Variants in C3orf52 observed in about 807,000 individuals in gnomAD.
C3orf52 encodes the protein TPA-induced transmembrane protein.
In C3orf52, 22 loss-of-function variants were observed where a neutral mutation model predicts 24.8. The observed-to-expected ratio is 0.89, with a 90% CI of 0.63 to 1.27. The LOEUF is 1.27. C3orf52 is among the 50% of genes most tolerant of loss of function. The pLI is 0.00. For synonymous variants in C3orf52, 93 were observed against 100.2 expected (o/e 0.93, Z 0.43); for missense variants, 265 against 260.7 (o/e 1.02, Z -0.11).
chr3:112,094,405 A>G (rs2073908938), intron 2 of C3orf52, among the ~76,000 whole-genome samples: 1 of 152,230 alleles, frequency 6.6e-6, no homozygotes, highest in Non-Finnish European at 1.5e-5. Context: ...TATTCCATAT[A>G]TTATTTCATG....
chr3:112,110,067 C>T (rs1458790131), intron 4 of C3orf52, among the ~76,000 whole-genome samples: 12 of 152,186 alleles, frequency 7.9e-5, no homozygotes, highest in Non-Finnish European at 1.3e-4. Context: ...TGGTAGCTCA[C>T]GCCTGTAATC....
At chr3:112,123,340 G>C (rs1179044058) in intron 4 of C3orf52, 3 of 1,510,900 alleles carry the variant, frequency 2.0e-6, no homozygotes, top group Non-Finnish European at 2.6e-6. Context: ...TGCAGGGAAA[G>C]GGTTGTTGTG....
rs1240236910 is a variant in C3orf52 at position 112,117,313 on chromosome 3, G to A, written c.*667G>A. On this transcript the variant is annotated 3_prime_UTR_variant, in exon 6 of 6. Coordinates refer to ENST00000264848, the MANE Select transcript of C3orf52 (RefSeq NM_024616.3). ...CCATGACCTGTACCTGAGTATCTTA[G>A]CCAGCCAGCCTTAGGAACACCACCA... The A allele has an allele frequency of 7.3e-6, 2 of 274,268 alleles. No individual in the cohort carries two copies. Among genetic ancestry groups the A allele is most frequent in the Non-Finnish European group, 1.4e-5 (2 of 145,892 alleles). The allele number at this position is 274,268 out of a possible 1,614,324, so 17.0% of individuals were successfully genotyped here. A position where few individuals can be genotyped will look rare whatever the true frequency, so the allele number is the denominator to read the frequency against.
At chr3:112,116,445 A>G (rs1362119929) in intron 5 of C3orf52, among the ~76,000 whole-genome samples, 197 bp from the exon 6 acceptor site, 2 of 152,166 alleles carry the variant, frequency 1.3e-5, no homozygotes, top group African/African-American at 4.8e-5. Flanking sequence ...AATAAATGTC[A>G]TTTGCCTTTT....
At chr3:112,119,633 C>T (rs1576153575), downstream of C3orf52, 5 of 628,472 alleles carry the variant, frequency 8.0e-6, no homozygotes, top group East Asian at 1.4e-4. Context: ...AGAGTCTGAT[C>T]AATGCTAAGA....
intron 2 of C3orf52, among the ~76,000 whole-genome samples, chr3:112,097,561 T>G (rs1367894095): frequency 6.6e-6 from 1 of 152,188 alleles, no homozygotes; most frequent in African/African-American, 2.4e-5. Context: ...TTTTATGATG[T>G]CATGTGGTTC....
chr3:112,117,177 T>G lies in C3orf52; in HGVS notation c.*531T>G, dbSNP rs2074142857. On this transcript the variant is annotated 3_prime_UTR_variant, in exon 6 of 6. Coordinates refer to ENST00000264848, the MANE Select transcript of C3orf52 (RefSeq NM_024616.3). ...TACGAAGACTAAGCCAATTATTCAC[T>G]GAAGTCATCCTCCTCCCCCCCACCA... is the stretch of plus-strand genomic sequence containing the variant. 5 of 556,380 alleles carry G rather than the reference T, an allele frequency of 9.0e-6. No individual in the cohort carries two copies. The allele number at this position is 556,380 out of a possible 1,614,324, so 34.5% of individuals were successfully genotyped here.
rs2073897648 is a variant in C3orf52, at chr3:112,093,465, A to T, written c.244A>T (p.Ile82Phe). 5 of 1,613,764 alleles carry T rather than the reference A, an allele frequency of 3.1e-6. No homozygotes were observed. The East Asian group carries it at 1.1e-4, about 36-fold the overall frequency. ...TTTCCTAGGTGTCATTACAGTGATC[A>T]TCATAGGCTTATGTCTTGCTGCAGG... Reference protein sequence around the residue: ...SIFLGVITVIIIGLCLAAVTY... With the variant: ...SIFLGVITVIFIGLCLAAVTY... The change falls in exon 2 of 6, where the codon ATC becomes TTC. Residue 82 changes from isoleucine to phenylalanine, a missense_variant. Ile to Phe is a conservative substitution (Grantham distance 21, BLOSUM62 0). Transcript: ENST00000264848.
chr3:112,091,296 C>G (rs1380077097), intron 1 of C3orf52, among the ~76,000 whole-genome samples: 2 of 152,336 alleles, frequency 1.3e-5, no homozygotes, highest in East Asian at 3.9e-4. Context: ...AAGAGCACCC[C>G]TCCTCTATGT....
intron 2 of C3orf52, among the ~76,000 whole-genome samples, chr3:112,095,079 C>T (rs1159857059): frequency 6.6e-6 from 1 of 152,190 alleles, no homozygotes; most frequent in Non-Finnish European, 1.5e-5. Context: ...ACTTTGATGA[C>T]ATCAGCCAAC....
At position 112,109,568 on chromosome 3, in the gene C3orf52, C is replaced by G. The variant is rs1408841134; in HGVS notation, c.422C>G (p.Pro141Arg). The G allele has an allele frequency of 6.2e-7, 1 of 1,602,444 alleles. No individual in the cohort carries two copies. ...ERLTDVYSTS[P>R]SLGRYFTSVE... Reference sequence around the variant, plus strand: ...CTCACAGATGTGTACAGTACATCGCCCTCTCTGGGTCGTTATTTTACTTCA... The same window carrying G: ...CTCACAGATGTGTACAGTACATCGCGCTCTCTGGGTCGTTATTTTACTTCA... The change falls in exon 4 of 6, where the codon CCC becomes CGC. Residue 141 changes from proline to arginine, a missense_variant. By Grantham distance (103) the Pro-to-Arg change is moderately radical (BLOSUM62 -2). Coordinates refer to ENST00000264848, the MANE Select transcript of C3orf52 (RefSeq NM_024616.3).
chr3:112,100,533 TCAG>T (rs1244558395), intron 2 of C3orf52, among the ~76,000 whole-genome samples: 1 of 152,164 alleles, frequency 6.6e-6, no homozygotes, highest in Non-Finnish European at 1.5e-5. Flanking sequence ...TAAATATGTG[TCAG>T]AGCTATTATG....
At chr3:112,104,569 G>T (rs895833073) in intron 3 of C3orf52, among the ~76,000 whole-genome samples, 1 of 151,662 alleles carries the variant, frequency 6.6e-6, no homozygotes, top group South Asian at 2.1e-4. Context: ...GATTACTCCA[G>T]ATTTCTCTTT....
At chr3:112,114,232 C>T (rs568346377) in intron 5 of C3orf52, among the ~76,000 whole-genome samples, 2 of 152,122 alleles carry the variant, frequency 1.3e-5, no homozygotes, top group African/African-American at 4.8e-5. Context: ...GAAGGCAGAA[C>T]GTTATGTAAA....
chr3:112,121,710 A>G (rs1186632485), downstream of C3orf52: 1 of 152,238 alleles, frequency 6.6e-6, no homozygotes, highest in Non-Finnish European at 1.5e-5. Context: ...AGAGGAAGAG[A>G]TACCAAGATG....
chr3:112,094,470 T>C (rs2073909394), intron 2 of C3orf52, among the ~76,000 whole-genome samples: 1 of 152,220 alleles, frequency 6.6e-6, no homozygotes, highest in East Asian at 1.9e-4. Context: ...ATAAAACCCA[T>C]CTGTAATATT....
At chr3:112,131,722 T>C (rs555443717), downstream of C3orf52, among the ~76,000 whole-genome samples, 1 of 152,306 alleles carries the variant, frequency 6.6e-6, no homozygotes, top group Non-Finnish European at 1.5e-5. Context: ...ATATATTGAA[T>C]ATATGTTGCC....
At chr3:112,133,333 G>A (rs1317528284), downstream of C3orf52, 2 of 534,132 alleles carry the variant, frequency 3.7e-6, no homozygotes, top group Non-Finnish European at 6.6e-6. Context: ...GTCCTAACAT[G>A]TCAGTGCCTG....
At chr3:112,136,065 GT>G in the C3orf52 span, among the ~76,000 whole-genome samples, 2 of 152,124 alleles carry the variant, frequency 1.3e-5, no homozygotes, top group African/African-American at 4.8e-5. Context: ...TCTAACTTCA[GT>G]TGACACCTGA....
Sources: allele counts gnomAD v4.1 joint callset (sites outside exome capture counted in the v4.1 genomes callset), GRCh38; gene constraint gnomAD v4.1.1; transcripts MANE v1.5; gene names NCBI Gene and HGNC (gene_info 2026-07-23, HGNC 2026-07-21).